Variants in MTM1 observed in about 807,000 individuals in gnomAD.
MTM1 encodes the protein myotubularin 1.
Under a neutral mutation model 52.1 loss-of-function variants are expected in MTM1, and 9 were observed. The ratio of observed to expected loss-of-function variants is 0.17; its 90% CI spans 0.10 to 0.30. The LOEUF (loss-of-function observed/expected upper bound fraction) is 0.30, where lower values mean the gene tolerates loss of function less well. MTM1 is among the 10% of genes least tolerant of loss of function. MTM1 has a pLI of 1.00. For missense variants in MTM1, 277 were observed against 470.7 expected (o/e 0.59, Z 3.81); for synonymous variants, 136 against 163.8 (o/e 0.83, Z 1.29).
chrX:150,664,394 C>T (rs1283435617), intron 14 of MTM1, among the ~76,000 whole-genome samples: 1 of 112,835 alleles, frequency 8.9e-6, no homozygotes, highest in Non-Finnish European at 1.9e-5. Context: ...CTGGCCACAG[C>T]AGGGTCCCAT....
At chrX:150,563,726 A>C (rs2038229532), upstream of MTM1, among the ~76,000 whole-genome samples, 1 of 109,213 alleles carries the variant, frequency 9.2e-6, no homozygotes, top group Admixed American at 9.6e-5. Flanking sequence ...TCTCTACTAA[A>C]AATACAAAAA....
At chrX:150,645,637 G>A (rs945744501) in intron 8 of MTM1, 46 bp from the exon 9 acceptor site, 2 of 1,124,004 alleles carry the variant, frequency 1.8e-6, no homozygotes, top group East Asian at 6.0e-5. Flanking sequence ...TTGTTTGCTT[G>A]GAGATTTGCT....
chrX:150,595,888 C>T lies in MTM1; in HGVS notation c.64-610C>T, dbSNP rs1603123144. 4.4e-5 allele frequency among the ~76,000 whole-genome samples: 5 copies of T among 112,747 alleles called. No individual in the cohort carries two copies. In the Admixed American group the frequency reaches 4.7e-4, roughly 11 times the overall value. ...AGTAAAGTGATGTGAAGAATTTGTA[C>T]AAATGGCTCCTAAGACTTTTGCCAG... is the stretch of plus-strand genomic sequence containing the variant. On this transcript the variant is annotated intron_variant, in intron 2 of 14. Transcript: ENST00000370396.
intron 4 of MTM1, among the ~76,000 whole-genome samples, chrX:150,613,150 AAG>A (rs1491532862): frequency 7.6e-5 from 8 of 105,181 alleles, no homozygotes; most frequent in African/African-American, 2.9e-4. Flanking sequence ...AAAAAAAAAA[AAG>A]GGGGGAAAGA....
chrX:150,610,887 G>C (rs782253263), intron 4 of MTM1, among the ~76,000 whole-genome samples: 1 of 111,941 alleles, frequency 8.9e-6, no homozygotes. Context: ...TAGAGTATCA[G>C]ACTTATTTAG....
chrX:150,671,361 G>T, intron 14 of MTM1, 67 bp from the exon 15 acceptor site: 1 of 1,149,838 alleles, frequency 8.7e-7, no homozygotes, highest in South Asian at 1.8e-5. Flanking sequence ...CAGCAGATGG[G>T]TGGAACACGT....
the MTM1 span, among the ~76,000 whole-genome samples, chrX:150,562,725 A>G: frequency 1.8e-5 from 2 of 111,881 alleles, no homozygotes; most frequent in African/African-American, 6.5e-5. Context: ...TCCATCTAGC[A>G]CCTGGCAAAA....
chrX:150,671,644 A>C lies in MTM1; in HGVS notation c.*49A>C. On this transcript the variant is annotated 3_prime_UTR_variant, in exon 15 of 15. Coordinates refer to ENST00000370396, the MANE Select transcript of MTM1 (RefSeq NM_000252.3). ...GAGCTCGAAATAAAGGCGATAGCTG[A>C]CTTTCATTTGGGGCATTTGTAAAAA... 1 of 1,171,730 alleles carries C rather than the reference A, an allele frequency of 8.5e-7. No individual in the cohort carries two copies. The highest frequency in any genetic ancestry group is 2.2e-5 in the Admixed American group (1 of 45,831).
chrX:150,623,454 G>A (rs1416849810), intron 6 of MTM1, among the ~76,000 whole-genome samples: 1 of 110,628 alleles, frequency 9.0e-6, no homozygotes, highest in Non-Finnish European at 1.9e-5. Context: ...GGGTGACGGG[G>A]ACAAACACCA....
upstream of MTM1, among the ~76,000 whole-genome samples, chrX:150,566,823 C>T (rs185318763): frequency 2.1e-3 from 239 of 111,488 alleles, 1 homozygote; most frequent in African/African-American, 7.6e-3. Flanking sequence ...TCCCCATTTT[C>T]CTCTATCCCT....
intron 7 of MTM1, among the ~76,000 whole-genome samples, chrX:150,640,277 T>C (rs1385810957): frequency 2.7e-5 from 3 of 112,317 alleles, no homozygotes; most frequent in African/African-American, 9.7e-5. Context: ...AAACAGTTCC[T>C]GTTTTTAAGA....
chrX:150,623,700 G>A (rs1301231071), intron 6 of MTM1, among the ~76,000 whole-genome samples: 2 of 110,622 alleles, frequency 1.8e-5, no homozygotes, highest in Non-Finnish European at 3.8e-5. Context: ...AAAGGAGAAG[G>A]GACCATTATT....
intron 1 of MTM1, among the ~76,000 whole-genome samples, chrX:150,575,864 A>G (rs782591150): frequency 8.2e-5 from 9 of 110,387 alleles, no homozygotes; most frequent in African/African-American, 3.0e-4. Flanking sequence ...TTTTGTAGAG[A>G]GGGCTTCTTA....
intron 4 of MTM1, among the ~76,000 whole-genome samples, chrX:150,601,031 A>T (rs1009333742): frequency 1.8e-5 from 2 of 112,195 alleles, no homozygotes; most frequent in Middle Eastern, 4.6e-3. Context: ...GAAGAAAGGG[A>T]TTATGCATGT....
intron 4 of MTM1, among the ~76,000 whole-genome samples, chrX:150,613,939 A>G (rs781872804): frequency 1.8e-5 from 2 of 112,350 alleles, no homozygotes; most frequent in Admixed American, 1.9e-4. Context: ...TGCCAGAGAC[A>G]AGCACCATTT....
intron 3 of MTM1, 32 bp downstream of exon 3, chrX:150,596,602 C>G (rs370006710): frequency 1.1e-5 from 13 of 1,146,664 alleles, no homozygotes; most frequent in Non-Finnish European, 1.6e-5. Flanking sequence ...ATTTGCATAA[C>G]TTGAGGAGAA....
At chrX:150,653,279 C>T (rs2040057956) in intron 10 of MTM1, among the ~76,000 whole-genome samples, 2 of 111,173 alleles carry the variant, frequency 1.8e-5, no homozygotes, top group South Asian at 3.9e-4. Flanking sequence ...ATCCATTCCC[C>T]GCCTCTTCCA....
chrX:150,562,674 T>C, the MTM1 span, among the ~76,000 whole-genome samples: 1 of 111,793 alleles, frequency 8.9e-6, no homozygotes, highest in African/African-American at 3.3e-5. Flanking sequence ...CCTGGGTTTC[T>C]CTCTGTATGT....
chrX:150,579,468 C>G (rs1167445239), intron 1 of MTM1, among the ~76,000 whole-genome samples: 1 of 111,563 alleles, frequency 9.0e-6, no homozygotes, highest in Non-Finnish European at 1.9e-5. Context: ...CTAAGTATTT[C>G]ATTTTTTTTG....
Sources: allele counts gnomAD v4.1 joint callset (sites outside exome capture counted in the v4.1 genomes callset), GRCh38; gene constraint gnomAD v4.1.1; transcripts MANE v1.5; gene names NCBI Gene and HGNC (gene_info 2026-07-23, HGNC 2026-07-21).